The following PRDM2 variants were observed in gnomAD, a reference collection of about 807,000 sequenced individuals.
PRDM2 encodes PR/SET domain 2.
Under a neutral mutation model 130.0 loss-of-function variants are expected in PRDM2, and 30 were observed. The ratio of observed to expected loss-of-function variants is 0.23; its 90% confidence interval spans 0.17 to 0.31. The LOEUF is 0.31. Among genes scored for constraint, PRDM2 ranks in the 10% least tolerant of loss-of-function variants. The pLI is 1.00. For synonymous variants in PRDM2, 871 were observed against 782.4 expected, an observed-to-expected ratio of 1.11 and a Z score of -1.89; for missense variants, 2,011 against 2,108.4, an observed-to-expected ratio of 0.95 and a Z score of 0.90.
chr1:13,724,879 T>A (rs930018573), intron 2 of PRDM2, among the ~76,000 whole-genome samples: 3 of 152,142 alleles, frequency 2.0e-5, no homozygotes, highest in Non-Finnish European at 4.4e-5. Context: ...GTTGTAACGC[T>A]TGTAGTTTTT....
chr1:13,820,232 C>G (rs142041021), intron 9 of PRDM2, among the ~76,000 whole-genome samples: 283 of 152,302 alleles, frequency 1.9e-3, no homozygotes, highest in African/African-American at 6.7e-3. Context: ...GGACCCATGG[C>G]TTTGGCTGCT....
chr1:13,746,329 A>G (rs955318215), intron 5 of PRDM2, among the ~76,000 whole-genome samples: 6 of 151,696 alleles, frequency 4.0e-5, no homozygotes, highest in Non-Finnish European at 8.8e-5. Context: ...TAAAAATGCT[A>G]ACCAGTACAG....
chr1:13,707,493 A>C (rs1429697783), intron 1 of PRDM2, among the ~76,000 whole-genome samples: 18 of 152,240 alleles, frequency 1.2e-4, no homozygotes. Context: ...TTTGAGCCTT[A>C]GTCAAGAATT....
At chr1:13,730,717 T>A (rs1557604769) in intron 2 of PRDM2, among the ~76,000 whole-genome samples, 1 of 152,178 alleles carries the variant, frequency 6.6e-6, no homozygotes, top group Non-Finnish European at 1.5e-5. Flanking sequence ...TTTAAAGCAG[T>A]ATGGTGGCAG....
intron 9 of PRDM2, among the ~76,000 whole-genome samples, chr1:13,818,287 A>C (rs755356505): frequency 2.3e-4 from 35 of 151,898 alleles, no homozygotes; most frequent in Admixed American, 3.9e-4. Flanking sequence ...CTGAATTCTG[A>C]AACTCTGAGG....
chr1:13,787,925 T>C, intron 8 of PRDM2: 1 of 985,444 alleles, frequency 1.0e-6, no homozygotes, highest in Non-Finnish European at 1.2e-6. Flanking sequence ...GAGTGGTGTT[T>C]GTTGTTTTTC....
At chr1:13,772,188 A>G (rs1423951154) in intron 6 of PRDM2, 1 of 152,222 alleles carries the variant, frequency 6.6e-6, no homozygotes, top group African/African-American at 2.4e-5. Flanking sequence ...AGACTGAAAC[A>G]CCAGCTTCCA....
rs1644530737 is a variant in PRDM2, at chr1:13,778,523, C to T, written c.728C>T (p.Ala243Val). The part of the protein sequence containing the change: ...QEVPPELATP[A>V]PAWEPQPEPD... ...GTGCCTCCAGAACTAGCAACCCCTG[C>T]CCCTGCCTGGGAGCCACAGCCAGAA... Residue 243 changes from alanine (A) to valine (V), a missense_variant, in exon 8 of 10, where the codon GCC (alanine) becomes GTC (valine). This residue lies in a region of PRDM2 where 1,288 missense variants were observed against 1,237.7 expected (regional missense o/e 1.04). Coordinates refer to ENST00000311066, the MANE Select transcript of PRDM2 (RefSeq NM_001393986.1). 5 of 1,614,040 alleles carry T rather than the reference C, an allele frequency of 3.1e-6. No homozygotes were observed. Among genetic ancestry groups the T allele is most frequent in the African/African-American group, 1.3e-5 (1 of 74,902 alleles).
chr1:13,700,793 C>T (rs1006141902), intron 1 of PRDM2, among the ~76,000 whole-genome samples: 2 of 152,102 alleles, frequency 1.3e-5, no homozygotes, highest in Non-Finnish European at 2.9e-5. Flanking sequence ...TTTGTGTTTC[C>T]CAAATAGTTT....
chr1:13,778,512 A>C lies in PRDM2; in HGVS notation c.717A>C (p.Leu239=). 6.2e-7 allele frequency: 1 copy of C among 1,614,196 alleles called. No individual in the cohort carries two copies. The highest frequency in any genetic ancestry group is 1.1e-5 in the South Asian group (1 of 91,084). The change falls in exon 8 of 10, where the codon CTA becomes CTC. Residue 239 remains leucine, a synonymous_variant. Transcript: ENST00000311066. ...CCAGTCAGGAGGTGCCTCCAGAACT[A>C]GCAACCCCTGCCCCTGCCTGGGAGC... is the stretch of plus-strand genomic sequence containing the variant. ...EVASQEVPPE[L]ATPAPAWEPQ...
chr1:13,779,766 C>T lies in PRDM2; in HGVS notation c.1971C>T (p.Asp657=), dbSNP rs1557648310. 2.5e-6 allele frequency: 4 copies of T among 1,614,218 alleles called. No individual in the cohort carries two copies. Among genetic ancestry groups the T allele is most frequent in the East Asian group, 2.2e-5 (1 of 44,882 alleles). ...AAATTAAGGCCGAAACAGACTCTGACCCCATGGTCCCCTCTTGCTCTTTAA... is the reference window on the plus strand; with the variant it reads ...AAATTAAGGCCGAAACAGACTCTGATCCCATGGTCCCCTCTTGCTCTTTAA... ...LPKIKAETDS[D]PMVPSCSLSL... The change falls in exon 8 of 10, where the codon GAC becomes GAT. Residue 657 remains aspartate (D), a synonymous_variant. Coordinates refer to ENST00000311066, the MANE Select transcript of PRDM2 (RefSeq NM_001393986.1). This position sits in a 1 kb window ranked among gnomAD's most constrained non-coding sequence, Gnocchi z 4.9.
At chr1:13,792,074 G>A (rs998482259) in intron 8 of PRDM2, among the ~76,000 whole-genome samples, 1 of 152,184 alleles carries the variant, frequency 6.6e-6, no homozygotes, top group Non-Finnish European at 1.5e-5. Context: ...GAACTGGAGT[G>A]TCATTTCAGC....
At chr1:13,819,521 A>G (rs955142346) in intron 9 of PRDM2, among the ~76,000 whole-genome samples, 9 of 152,152 alleles carry the variant, frequency 5.9e-5, no homozygotes, top group Admixed American at 1.3e-4. Context: ...TTAAATTGGT[A>G]CTTACACCAA....
intron 8 of PRDM2, among the ~76,000 whole-genome samples, chr1:13,793,418 C>T (rs997132915): frequency 7.2e-5 from 11 of 152,302 alleles, no homozygotes; most frequent in Non-Finnish European, 1.0e-4. Flanking sequence ...TCTTAGTAGC[C>T]GGCCCCGGGT....
chr1:13,733,770 A>G (rs1461991600), intron 4 of PRDM2, among the ~76,000 whole-genome samples: 1 of 152,206 alleles, frequency 6.6e-6, no homozygotes, highest in Non-Finnish European at 1.5e-5. Context: ...GCCCCCTGGA[A>G]GCCCCCCTGA....
chr1:13,729,155 C>T (rs1341266713), intron 2 of PRDM2, among the ~76,000 whole-genome samples: 1 of 152,168 alleles, frequency 6.6e-6, no homozygotes, highest in Non-Finnish European at 1.5e-5. Context: ...ATTTGGAGTA[C>T]ATTCTACCCA....
chr1:13,777,624 C>T (rs1644504289), intron 7 of PRDM2, among the ~76,000 whole-genome samples: 1 of 21,554 alleles, frequency 4.6e-5, no homozygotes, highest in Admixed American at 6.2e-4. Flanking sequence ...TCCAGTAGGG[C>T]TCCTCCTCCC....
chr1:13,777,906 AG>A (rs1421580999), intron 7 of PRDM2, among the ~76,000 whole-genome samples: 1 of 152,080 alleles, frequency 6.6e-6, no homozygotes, highest in Non-Finnish European at 1.5e-5. Flanking sequence ...CTAGCTTCTG[AG>A]AATAACATTT....
intron 8 of PRDM2, among the ~76,000 whole-genome samples, chr1:13,805,887 C>A (rs1428600926): frequency 6.6e-6 from 1 of 152,054 alleles, no homozygotes; most frequent in Admixed American, 6.5e-5. Flanking sequence ...CACGTGGGGA[C>A]CCTGGAGCCC....
Sources: gnomAD v4.1 joint callset for allele counts (sites outside exome capture counted in the v4.1 genomes callset) on GRCh38, gnomAD v4.1.1 for gene constraint, gnomAD v4.1.1 regional missense constraint, Gnocchi (gnomAD v3.1) non-coding constraint, MANE v1.5 for transcripts, NCBI Gene and HGNC (gene_info 2026-07-23, HGNC 2026-07-21) for gene names.